Variants in SLC9A2 observed in about 807,000 individuals in gnomAD.
The protein encoded by SLC9A2 is solute carrier family 9 member A2.
Under a neutral mutation model 71.7 loss-of-function variants are expected in SLC9A2, and 42 were observed. That is an observed-to-expected ratio of 0.59 (90% CI 0.46 to 0.76). The LOEUF is 0.76. Ranked by LOEUF, SLC9A2 falls within the 30% of genes least tolerant of loss-of-function variation. The pLI is 0.00. For missense variants in SLC9A2, 829 were observed against 1,017.4 expected, an observed-to-expected ratio of 0.81 and a Z score of 2.52; for synonymous variants, 396 against 392.5, an observed-to-expected ratio of 1.01 and a Z score of -0.10.
At chr2:102,697,779 C>T (rs1374151515) in intron 7 of SLC9A2, among the ~76,000 whole-genome samples, 1 of 151,272 alleles carries the variant, frequency 6.6e-6, no homozygotes, top group Non-Finnish European at 1.5e-5. Context: ...AAATCAGCAT[C>T]AAAAAGAAGC....
rs957244963 is a variant in SLC9A2 at position 102,708,204 on chromosome 2, G to C, written c.2154G>C (p.Gln718His). 1.9e-6 allele frequency: 3 copies of C among 1,614,052 alleles called. No individual in the cohort carries two copies. In the African/African-American group the frequency reaches 4.0e-5, roughly 22 times the overall value. ...GAGCCAGGCGCTTCTTGCCAGAACAGTTCTCCAAGAAATCCCCCCAGTCCT... is the reference window on the plus strand; with the variant it reads ...GAGCCAGGCGCTTCTTGCCAGAACACTTCTCCAAGAAATCCCCCCAGTCCT... ...QPRARRFLPE[Q>H]FSKKSPQSYK... The change falls in exon 12 of 12, where the codon CAG (glutamine) becomes CAC (histidine). Residue 718 changes from glutamine to histidine, a missense_variant. By Grantham distance (24) the Gln-to-His change is conservative (BLOSUM62 0). Transcript: ENST00000233969.
At chr2:102,672,058 G>A (rs1285692336) in intron 3 of SLC9A2, among the ~76,000 whole-genome samples, 4 of 152,070 alleles carry the variant, frequency 2.6e-5, no homozygotes, top group African/African-American at 9.7e-5. Flanking sequence ...GCAGTGAGCC[G>A]AGATTGAGCC....
chr2:102,704,268 G>A (rs529273991), intron 9 of SLC9A2, among the ~76,000 whole-genome samples: 34 of 152,098 alleles, frequency 2.2e-4, no homozygotes, highest in African/African-American at 8.0e-4. Flanking sequence ...AGTTATGAGT[G>A]CCACTGCATT....
At chr2:102,655,719 C>G (rs763541651) in intron 1 of SLC9A2, among the ~76,000 whole-genome samples, 3 of 152,126 alleles carry the variant, frequency 2.0e-5, no homozygotes, top group Non-Finnish European at 2.9e-5. Flanking sequence ...AATTTCTGTC[C>G]TACTCTGTTC....
intron 2 of SLC9A2, 109 bp downstream of exon 2, chr2:102,658,136 T>A (rs924595695): frequency 1.3e-6 from 1 of 767,646 alleles, no homozygotes; most frequent in Admixed American, 2.4e-5. Flanking sequence ...CACAGGGTGG[T>A]TTCATGAGCA....
intron 1 of SLC9A2, among the ~76,000 whole-genome samples, chr2:102,639,944 A>G (rs530613402): frequency 1.3e-5 from 2 of 152,372 alleles, no homozygotes; most frequent in East Asian, 3.9e-4. Flanking sequence ...AATATAGACC[A>G]GTGGCTGTTC....
chr2:102,632,177 C>G (rs12622468), intron 1 of SLC9A2, among the ~76,000 whole-genome samples: 1 of 105,086 alleles, frequency 9.5e-6, no homozygotes, highest in East Asian at 3.1e-4. Context: ...CATATATATA[C>G]ATACATATAT....
chr2:102,667,792 A>C (rs1677169321), intron 3 of SLC9A2, among the ~76,000 whole-genome samples: 1 of 152,174 alleles, frequency 6.6e-6, no homozygotes, highest in South Asian at 2.1e-4. Flanking sequence ...GTCATTGGCC[A>C]GGCACAGCGG....
chr2:102,635,195 A>T (rs1466929478), intron 1 of SLC9A2, among the ~76,000 whole-genome samples: 2 of 152,164 alleles, frequency 1.3e-5, no homozygotes, highest in African/African-American at 4.8e-5. Flanking sequence ...CTGACTGTAC[A>T]TTTTCTCTTA....
At chr2:102,661,444 A>G (rs928800908) in intron 2 of SLC9A2, among the ~76,000 whole-genome samples, 3 of 152,164 alleles carry the variant, frequency 2.0e-5, no homozygotes, top group African/African-American at 7.2e-5. Flanking sequence ...GATTTTGCAA[A>G]CAGCAGAATA....
chr2:102,683,610 C>T (rs772837422), intron 4 of SLC9A2, 132 bp downstream of exon 4: 38 of 691,668 alleles, frequency 5.5e-5, no homozygotes, highest in East Asian at 3.2e-4. Flanking sequence ...TTCTTACCTA[C>T]GTCTTCCTCC....
intron 3 of SLC9A2, among the ~76,000 whole-genome samples, chr2:102,680,771 G>A (rs1457284193): frequency 6.6e-6 from 1 of 152,186 alleles, no homozygotes; most frequent in Non-Finnish European, 1.5e-5. Flanking sequence ...AAAATCCTGA[G>A]ATGGGGAGAT....
intron 5 of SLC9A2, among the ~76,000 whole-genome samples, chr2:102,689,956 C>G (rs1386808522): frequency 6.6e-6 from 1 of 151,998 alleles, no homozygotes; most frequent in Non-Finnish European, 1.5e-5. Flanking sequence ...TATATACACA[C>G]ATATATATGA....
chr2:102,657,838 G>T lies in SLC9A2; in HGVS notation c.564G>T (p.Leu188Phe), dbSNP rs907756672. The change falls in exon 2 of 12, where the codon TTG (leucine) becomes TTT (phenylalanine). Residue 188 changes from leucine (L) to phenylalanine (F), a missense_variant. Coordinates refer to ENST00000233969, the MANE Select transcript of SLC9A2 (RefSeq NM_003048.6). ...ATTCCATTGGCATTGGGGTGTCTTT[G>T]TTTGGTATCTGCCAGATCGAAGCAT... Reference protein sequence around the residue: ...LWNSIGIGVSLFGICQIEAFG... With the variant: ...LWNSIGIGVSFFGICQIEAFG... The T allele has an allele frequency of 1.2e-6, 2 of 1,614,092 alleles. No individual in the cohort carries two copies. The highest frequency in any genetic ancestry group is 1.7e-6 in the Non-Finnish European group (2 of 1,180,050).
At chr2:102,648,902 T>C (rs933768197) in intron 1 of SLC9A2, among the ~76,000 whole-genome samples, 2 of 152,190 alleles carry the variant, frequency 1.3e-5, no homozygotes, top group Admixed American at 6.5e-5. Flanking sequence ...AAAATGTCTA[T>C]ACTGCCCAAA....
chr2:102,702,207 A>G (rs918529030), intron 8 of SLC9A2, among the ~76,000 whole-genome samples, 199 bp from the exon 9 acceptor site: 2 of 152,232 alleles, frequency 1.3e-5, no homozygotes, highest in Non-Finnish European at 2.9e-5. Flanking sequence ...AAACTTGTGA[A>G]TTGTTAAACT....
chr2:102,695,807 TATATATAA>T (rs1677756004), intron 7 of SLC9A2, among the ~76,000 whole-genome samples: 1 of 88,620 alleles, frequency 1.1e-5, no homozygotes. Context: ...ATATTATATA[TATATATAA>T]TATATATATA....
intron 3 of SLC9A2, among the ~76,000 whole-genome samples, chr2:102,681,866 G>T (rs1677457811): frequency 6.6e-6 from 1 of 152,186 alleles, no homozygotes; most frequent in Non-Finnish European, 1.5e-5. Context: ...CAACAGATAT[G>T]TTACTTGCAA....
intron 1 of SLC9A2, among the ~76,000 whole-genome samples, chr2:102,632,528 ATTGT>A (rs989480572): frequency 1.1e-4 from 16 of 152,062 alleles, no homozygotes; most frequent in African/African-American, 3.9e-4. Context: ...AGTCCTGTGC[ATTGT>A]TTATCACTGC....
Sources: gnomAD v4.1 joint callset for allele counts (sites outside exome capture counted in the v4.1 genomes callset) on GRCh38, gnomAD v4.1.1 for gene constraint, MANE v1.5 for transcripts, NCBI Gene and HGNC (gene_info 2026-07-23, HGNC 2026-07-21) for gene names.